TRPM3: variants seen among roughly 807,000 people sequenced by gnomAD.
TRPM3 encodes transient receptor potential cation channel subfamily M member 3, also known as long transient receptor potential channel 3.
In TRPM3, 77 loss-of-function variants were observed where a neutral mutation model predicts 181.2. The observed-to-expected ratio is 0.42, with a 90% confidence interval of 0.35 to 0.51. TRPM3 has a LOEUF of 0.51. TRPM3 is among the 20% of genes least tolerant of loss of function. The probability of loss-of-function intolerance (pLI) is 0.01; values close to 1 mark genes in which losing one functional copy is unlikely to be tolerated. For missense variants in TRPM3, 1,759 were observed against 2,196.7 expected, an observed-to-expected ratio of 0.80 and a Z score of 3.98; for synonymous variants, 745 against 796.4, an observed-to-expected ratio of 0.94 and a Z score of 1.09.
intron 1 of TRPM3, among the ~76,000 whole-genome samples, chr9:71,014,251 G>A (rs924000543): frequency 6.6e-6 from 1 of 151,790 alleles, no homozygotes. Flanking sequence ...TCTATGAATT[G>A]TAAGCAGAAA....
At chr9:71,375,166 C>G (rs370152522) in intron 1 of TRPM3, among the ~76,000 whole-genome samples, 8 of 151,932 alleles carry the variant, frequency 5.3e-5, no homozygotes, top group East Asian at 1.9e-4. Context: ...GGCACTGGTA[C>G]AAGGACACAT....
At chr9:70,962,099 A>G (rs1024295136) in intron 1 of TRPM3, among the ~76,000 whole-genome samples, 1 of 152,196 alleles carries the variant, frequency 6.6e-6, no homozygotes, top group Non-Finnish European at 1.5e-5. Context: ...AAATCATGAC[A>G]TGCCTTAGTG....
intron 1 of TRPM3, among the ~76,000 whole-genome samples, chr9:71,155,765 C>A (rs989193076): frequency 6.6e-6 from 1 of 152,042 alleles, no homozygotes; most frequent in African/African-American, 2.4e-5. Context: ...TAAAATAACA[C>A]AATTCCATAA....
intron 1 of TRPM3, among the ~76,000 whole-genome samples, chr9:71,287,914 A>G (rs1165140911): frequency 3.9e-5 from 6 of 152,112 alleles, no homozygotes; most frequent in Admixed American, 3.9e-4. Context: ...ACCCTTGCTC[A>G]GTTTGCTCAG....
chr9:70,860,301 G>A (rs1054834724), intron 3 of TRPM3, among the ~76,000 whole-genome samples: 7 of 152,182 alleles, frequency 4.6e-5, no homozygotes, highest in South Asian at 2.1e-4. Flanking sequence ...CTGAGATCCA[G>A]TTCTGTCTGA....
At chr9:71,130,366 T>C (rs770180214) in intron 1 of TRPM3, among the ~76,000 whole-genome samples, 46 of 152,212 alleles carry the variant, frequency 3.0e-4, no homozygotes, top group Admixed American at 2.1e-3. Context: ...TAGAAACTTA[T>C]GACGTTTGTT....
intron 1 of TRPM3, among the ~76,000 whole-genome samples, chr9:71,107,878 C>T (rs1003176705): frequency 1.3e-5 from 2 of 152,068 alleles, no homozygotes; most frequent in South Asian, 4.2e-4. Context: ...ACATTACTTC[C>T]AAACAATGTG....
intron 1 of TRPM3, among the ~76,000 whole-genome samples, chr9:71,059,037 T>C (rs1391805068): frequency 6.9e-6 from 1 of 144,758 alleles, no homozygotes; most frequent in Non-Finnish European, 1.5e-5. Context: ...TTTTTTTTTT[T>C]TTTTACCAGT....
chr9:71,218,497 A>G (rs999591108), intron 1 of TRPM3, among the ~76,000 whole-genome samples: 1 of 152,230 alleles, frequency 6.6e-6, no homozygotes, highest in African/African-American at 2.4e-5. Context: ...TCTAGCTGCT[A>G]AAGTTTTTCA....
intron 8 of TRPM3, among the ~76,000 whole-genome samples, chr9:70,754,380 CCT>C (rs1461144742): frequency 6.6e-6 from 1 of 152,102 alleles, no homozygotes; most frequent in East Asian, 1.9e-4. Context: ...CTATTCTTTA[CCT>C]GAAAACAATG....
At chr9:70,605,620 G>A (rs547484275) in intron 19 of TRPM3, among the ~76,000 whole-genome samples, 10 of 152,260 alleles carry the variant, frequency 6.6e-5, no homozygotes, top group East Asian at 1.9e-4. Flanking sequence ...TATGGTTTCC[G>A]TTTACCATTA....
intron 19 of TRPM3, among the ~76,000 whole-genome samples, chr9:70,604,904 G>T (rs2060733948): frequency 2.0e-5 from 3 of 148,690 alleles, no homozygotes; most frequent in Non-Finnish European, 4.4e-5. Context: ...TATCTATCTT[G>T]GCCTCCCAAA....
At chr9:71,120,614 G>A (rs987650281) in intron 1 of TRPM3, among the ~76,000 whole-genome samples, 4 of 152,076 alleles carry the variant, frequency 2.6e-5, no homozygotes, top group African/African-American at 9.7e-5. Flanking sequence ...ACATTTTTAT[G>A]CCTTTTCTAA....
At chr9:70,630,849 A>G (rs1406626544) in intron 12 of TRPM3, among the ~76,000 whole-genome samples, 1 of 152,216 alleles carries the variant, frequency 6.6e-6, no homozygotes, top group Non-Finnish European at 1.5e-5. Flanking sequence ...ACCTGAAGCT[A>G]AGGTTTACTT....
intron 9 of TRPM3, among the ~76,000 whole-genome samples, chr9:70,643,389 TAGC>T (rs1318017469): frequency 6.6e-6 from 1 of 152,178 alleles, no homozygotes; most frequent in African/African-American, 2.4e-5. Context: ...AAGTCAATAA[TAGC>T]AGCACGAGCC....
intron 1 of TRPM3, among the ~76,000 whole-genome samples, chr9:71,427,639 G>A (rs752643160): frequency 2.3e-4 from 35 of 152,118 alleles, no homozygotes; most frequent in Middle Eastern, 3.2e-3. Flanking sequence ...GGCCATTATC[G>A]TATGCAAACT....
chr9:71,176,224 T>C (rs1307492310), intron 1 of TRPM3, among the ~76,000 whole-genome samples: 1 of 152,104 alleles, frequency 6.6e-6, no homozygotes, highest in African/African-American at 2.4e-5. Context: ...GGCACTGTTA[T>C]CATAGGAGAT....
At chr9:71,000,000 C>CCATA (rs1287778009) in intron 1 of TRPM3, among the ~76,000 whole-genome samples, 6 of 152,134 alleles carry the variant, frequency 3.9e-5, no homozygotes, top group African/African-American at 1.4e-4. Flanking sequence ...TCATATAATG[C>CCATA]CATAACCTAG....
chr9:71,104,926 G>T (rs57681686), intron 1 of TRPM3, among the ~76,000 whole-genome samples: 2 of 152,034 alleles, frequency 1.3e-5, no homozygotes, highest in African/African-American at 4.8e-5. Context: ...CAAACTCTTT[G>T]GCAGTTCCTA....
Sources: gnomAD v4.1 joint callset for allele counts (sites outside exome capture counted in the v4.1 genomes callset) on GRCh38, gnomAD v4.1.1 for gene constraint, MANE v1.5 for transcripts, NCBI Gene and HGNC (gene_info 2026-07-23, HGNC 2026-07-21) for gene names.